The following NEK5 variants were observed in gnomAD, a reference collection of about 807,000 sequenced individuals.
The protein encoded by NEK5 is serine/threonine-protein kinase Nek5.
In NEK5, 88 loss-of-function variants were observed where a neutral mutation model predicts 109.2. The ratio of observed to expected loss-of-function variants is 0.81; its 90% CI spans 0.68 to 0.96. The LOEUF (loss-of-function observed/expected upper bound fraction) is 0.96, where lower values mean the gene tolerates loss of function less well. Ranked by LOEUF, NEK5 falls within the 40% of genes least tolerant of loss-of-function variation. NEK5 has a pLI of 0.00. For synonymous variants in NEK5, 283 were observed against 299.9 expected, an observed-to-expected ratio of 0.94 and a Z score of 0.58; for missense variants, 834 against 920.7, an observed-to-expected ratio of 0.91 and a Z score of 1.22.
chr13:52,047,897 A>C (rs1174067334), intron 23 of NEK5, among the ~76,000 whole-genome samples: 2 of 152,174 alleles, frequency 1.3e-5, no homozygotes, highest in African/African-American at 2.4e-5. Context: ...AGGACTCCAA[A>C]ATTTAGAACT....
At chr13:52,105,009 TA>T (rs1212283850) in intron 8 of NEK5, among the ~76,000 whole-genome samples, 2 of 152,216 alleles carry the variant, frequency 1.3e-5, no homozygotes, top group African/African-American at 2.4e-5. Flanking sequence ...AATAAACATT[TA>T]AAAATATACT....
intron 22 of NEK5, among the ~76,000 whole-genome samples, chr13:52,057,638 T>C (rs1451768189): frequency 6.6e-6 from 1 of 152,092 alleles, no homozygotes; most frequent in African/African-American, 2.4e-5. Context: ...GCAAGGCTGG[T>C]TCAATAATAT....
At chr13:52,113,077 A>G (rs1251689477) in intron 4 of NEK5, among the ~76,000 whole-genome samples, 1 of 152,192 alleles carries the variant, frequency 6.6e-6, no homozygotes, top group Non-Finnish European at 1.5e-5. Flanking sequence ...TATTTTCCAA[A>G]AGCTATGCTG....
At position 52,087,483 on chromosome 13, in the gene NEK5, G is replaced by A. The variant is rs924560811; in HGVS notation, c.1276-29C>T. ...TTTATTGAATGAAATAATTTATAAT[G>A]CATACTTTGATTTCGGAAACATCTT... On this transcript the variant is annotated intron_variant, in intron 14 of 23. Transcript: ENST00000684899. 4 of 1,114,752 alleles carry A rather than the reference G, an allele frequency of 3.6e-6. No homozygotes were observed. The South Asian group carries it at 5.8e-5, about 16-fold the overall frequency. The allele number at this position is 1,114,752 out of a possible 1,614,324, so 69.1% of individuals were successfully genotyped here.
At chr13:52,105,271 GT>G (rs2138030108) in intron 8 of NEK5, among the ~76,000 whole-genome samples, 1 of 108,746 alleles carries the variant, frequency 9.2e-6, no homozygotes, top group South Asian at 2.8e-4. Flanking sequence ...GTGTGTGTGT[GT>G]GTCAGAGAGA....
intron 17 of NEK5, 99 bp downstream of exon 17, chr13:52,083,161 A>T (rs1955049496): frequency 1.3e-6 from 1 of 763,382 alleles, no homozygotes; most frequent in South Asian, 1.6e-5. Flanking sequence ...AAAAAAAAAA[A>T]GTTCCCTACG....
At chr13:52,064,413 C>G (rs1239398930) in intron 21 of NEK5, among the ~76,000 whole-genome samples, 6 of 145,300 alleles carry the variant, frequency 4.1e-5, no homozygotes, top group Non-Finnish European at 7.6e-5. Flanking sequence ...GAGCCAGCCC[C>G]CCGCCCGGCC....
chr13:52,061,985 T>C, intron 21 of NEK5, 32 bp from the exon 22 acceptor site: 2 of 320,748 alleles, frequency 6.2e-6, no homozygotes, highest in Non-Finnish European at 9.0e-6. Context: ...AAAATAAAAA[T>C]GCTTCTTCAC....
At chr13:52,061,010 C>A (rs1954609761) in intron 22 of NEK5, among the ~76,000 whole-genome samples, 1 of 152,170 alleles carries the variant, frequency 6.6e-6, no homozygotes, top group African/African-American at 2.4e-5. Context: ...TAGGCGTGAG[C>A]CATTACACCC....
At chr13:52,073,679 A>G (rs1954818048) in intron 19 of NEK5, among the ~76,000 whole-genome samples, 2 of 152,168 alleles carry the variant, frequency 1.3e-5, no homozygotes. Context: ...TAAGAAAAGA[A>G]GAAGTCAAAC....
rs1954342615 is a variant in NEK5 at position 52,034,692 on chromosome 13, ATTCT to A, written c.*2252_*2255del. ...GAGGTGCACACCAACACACCAGCTA[ATTCT>A]TTTTTTTTTTTTTTTTTTTCTGAGG... On this transcript the variant is annotated 3_prime_UTR_variant, in exon 24 of 24. Coordinates refer to ENST00000684899, the MANE Select transcript of NEK5 (RefSeq NM_001365552.1). 1 of 112,948 alleles carries A rather than the reference ATTCT, an allele frequency of 8.9e-6. No individual in the cohort carries two copies. Among genetic ancestry groups the A allele is most frequent in the African/African-American group, 2.8e-5 (1 of 35,442 alleles). 7.0% of individuals were successfully genotyped at this position (112,948 alleles called of 1,614,324 possible). A position where few individuals can be genotyped will look rare whatever the true frequency, so the allele number is the denominator to read the frequency against.
chr13:52,083,139 C>G (rs1024669524), intron 17 of NEK5, 121 bp downstream of exon 17: 26 of 630,900 alleles, frequency 4.1e-5, no homozygotes, highest in African/African-American at 3.9e-4. Flanking sequence ...AGTGAGACTC[C>G]GTCTCATAGA....
chr13:52,062,422 T>C (rs1954621254), intron 21 of NEK5, among the ~76,000 whole-genome samples: 1 of 151,698 alleles, frequency 6.6e-6, no homozygotes, highest in Non-Finnish European at 1.5e-5. Context: ...TTCTTTTTTT[T>C]CTTTCTTTCT....
At chr13:52,117,255 A>G (rs1331493040) in intron 4 of NEK5, among the ~76,000 whole-genome samples, 1 of 152,158 alleles carries the variant, frequency 6.6e-6, no homozygotes, top group African/African-American at 2.4e-5. Context: ...CATTAGAGCC[A>G]TGGTTCTTAT....
chr13:52,089,106 A>AACAACAACG (rs1424255361), intron 14 of NEK5, 141 bp downstream of exon 14: 1 of 600,070 alleles, frequency 1.7e-6, no homozygotes, highest in African/African-American at 2.0e-5. Flanking sequence ...CAACAACAAC[A>AACAACAACG]AAAACAAAAA....
At chr13:52,075,247 TA>T (rs1219998146) in intron 19 of NEK5, among the ~76,000 whole-genome samples, 1 of 152,060 alleles carries the variant, frequency 6.6e-6, no homozygotes, top group Non-Finnish European at 1.5e-5. Flanking sequence ...GTGGTCTGGA[TA>T]AAGAAAATGT....
At chr13:52,116,781 G>A (rs1469395321) in intron 4 of NEK5, among the ~76,000 whole-genome samples, 1 of 152,150 alleles carries the variant, frequency 6.6e-6, no homozygotes, top group Non-Finnish European at 1.5e-5. Flanking sequence ...CCAAGACCTA[G>A]AACATGCCTG....
rs140608439 is a variant in NEK5, at chr13:52,113,343, G to A, written c.215-978C>T. On this transcript the variant is annotated intron_variant, in intron 4 of 23. Coordinates refer to ENST00000684899, the MANE Select transcript of NEK5 (RefSeq NM_001365552.1). ...ACCAACTATAATTCTGAATTTTCTT[G>A]AACTGTAGTGAGTTATTCTTGTCTT... 2.9e-3 allele frequency among the ~76,000 whole-genome samples: 436 copies of A among 151,854 alleles called. 3 individuals carry two copies. Among genetic ancestry groups the A allele is most frequent in the African/African-American group, 1.0e-2 (414 of 41,430 alleles).
intron 15 of NEK5, among the ~76,000 whole-genome samples, chr13:52,086,565 C>T (rs1180421533): frequency 6.6e-6 from 1 of 152,196 alleles, no homozygotes; most frequent in Non-Finnish European, 1.5e-5. Context: ...CTACAGAGCT[C>T]AATTTTATAT....
Sources: allele counts gnomAD v4.1 joint callset (sites outside exome capture counted in the v4.1 genomes callset), GRCh38; gene constraint gnomAD v4.1.1; transcripts MANE v1.5; gene names NCBI Gene and HGNC (gene_info 2026-07-23, HGNC 2026-07-21).